The following KAZN variants were observed in gnomAD, a reference collection of about 807,000 sequenced individuals.
The protein encoded by KAZN is kazrin.
Under a neutral mutation model 87.4 loss-of-function variants are expected in KAZN, and 40 were observed. That is an observed-to-expected ratio of 0.46 (90% CI 0.36 to 0.60). KAZN has a LOEUF of 0.60. KAZN is among the 20% of genes least tolerant of loss of function. The pLI is 0.00. For missense variants in KAZN, 898 were observed against 1,073.9 expected (o/e 0.84, Z 2.29); for synonymous variants, 466 against 458.3 (o/e 1.02, Z -0.22).
At chr1:14,924,149 G>T (rs1459796225) in intron 1 of KAZN, 3 of 982,352 alleles carry the variant, frequency 3.1e-6, no homozygotes, top group Non-Finnish European at 3.6e-6. Flanking sequence ...CACGTGAGAG[G>T]CTCCGCGGCC....
chr1:14,944,527 G>A (rs979107376), intron 1 of KAZN, among the ~76,000 whole-genome samples: 2 of 152,212 alleles, frequency 1.3e-5, no homozygotes, highest in East Asian at 3.9e-4. Context: ...AGGGGGACAC[G>A]AATGAACTGC....
intron 1 of KAZN, chr1:14,124,113 G>A (rs939487892): frequency 1.3e-5 from 2 of 152,148 alleles, no homozygotes; most frequent in African/African-American, 2.4e-5. Flanking sequence ...ATCACCTTAC[G>A]TGAATATTTT....
intron 1 of KAZN, among the ~76,000 whole-genome samples, chr1:14,016,328 CACTTTTATGGGTACAGG>C (rs1570533931): frequency 6.6e-6 from 1 of 152,186 alleles, no homozygotes; most frequent in Non-Finnish European, 1.5e-5. Context: ...ATCTAATACT[CACTTTTATGGGTACAGG>C]ACTCTATGGC....
chr1:14,293,058 G>A (rs1479473263), intron 2 of KAZN, among the ~76,000 whole-genome samples: 1 of 152,168 alleles, frequency 6.6e-6, no homozygotes, highest in African/African-American at 2.4e-5. Flanking sequence ...GCCAGGCCCT[G>A]TGCAAACTGG....
At chr1:14,570,704 T>G (rs574496154) in intron 2 of KAZN, among the ~76,000 whole-genome samples, 8 of 152,302 alleles carry the variant, frequency 5.3e-5, no homozygotes, top group African/African-American at 1.7e-4. Flanking sequence ...CATCGACGAG[T>G]GTTTGTGTGG....
At chr1:14,991,938 A>T (rs1667401788) in intron 2 of KAZN, among the ~76,000 whole-genome samples, 1 of 152,202 alleles carries the variant, frequency 6.6e-6, no homozygotes, top group Non-Finnish European at 1.5e-5. Flanking sequence ...TTGCCTGGAT[A>T]TCCCTCGGTG....
intron 2 of KAZN, among the ~76,000 whole-genome samples, chr1:14,518,982 G>T (rs985415241): frequency 4.6e-5 from 7 of 152,244 alleles, no homozygotes; most frequent in Admixed American, 4.6e-4. Flanking sequence ...GTTGCTCTAG[G>T]GACCCTGAAT....
chr1:14,444,743 A>T (rs1015880230), intron 2 of KAZN, among the ~76,000 whole-genome samples: 1 of 152,120 alleles, frequency 6.6e-6, no homozygotes, highest in Non-Finnish European at 1.5e-5. Flanking sequence ...GGACCTCGAA[A>T]TTTAAATTTG....
chr1:14,554,254 C>T (rs899980819), intron 2 of KAZN, among the ~76,000 whole-genome samples: 19 of 146,596 alleles, frequency 1.3e-4, no homozygotes, highest in Admixed American at 2.6e-4. Flanking sequence ...CAGCTAGTAC[C>T]GTCTCCACCT....
intron 1 of KAZN, among the ~76,000 whole-genome samples, chr1:14,606,674 A>T (rs1006097270): frequency 1.5e-4 from 23 of 152,214 alleles, no homozygotes; most frequent in African/African-American, 5.5e-4. Flanking sequence ...CATGCCCAAC[A>T]GAGGACTTAT....
At chr1:14,824,865 A>T (rs1419566386) in intron 1 of KAZN, among the ~76,000 whole-genome samples, 1 of 152,190 alleles carries the variant, frequency 6.6e-6, no homozygotes, top group Non-Finnish European at 1.5e-5. Flanking sequence ...TCTATGAACC[A>T]TGAGATATTT....
At chr1:14,453,470 A>C (rs1411403079) in intron 2 of KAZN, among the ~76,000 whole-genome samples, 1 of 152,214 alleles carries the variant, frequency 6.6e-6, no homozygotes, top group Non-Finnish European at 1.5e-5. Context: ...TTTAGTCTAA[A>C]AAAAGTACTA....
intron 1 of KAZN, among the ~76,000 whole-genome samples, chr1:14,890,646 G>T (rs1654604470): frequency 6.6e-6 from 1 of 152,106 alleles, no homozygotes; most frequent in Non-Finnish European, 1.5e-5. Context: ...AGACTTCCGG[G>T]CCCCACGGCG....
chr1:14,375,583 A>ACT (rs1455116353), intron 2 of KAZN, among the ~76,000 whole-genome samples: 2 of 152,178 alleles, frequency 1.3e-5, no homozygotes, highest in Non-Finnish European at 2.9e-5. Context: ...GTGTAAGGTC[A>ACT]CTGCATGAAA....
intron 2 of KAZN, among the ~76,000 whole-genome samples, chr1:14,409,611 A>G (rs928133437): frequency 2.6e-5 from 4 of 152,212 alleles, no homozygotes; most frequent in Non-Finnish European, 5.9e-5. Flanking sequence ...ATAAGAAGCC[A>G]ACACAAAACG....
At chr1:14,372,718 G>A (rs774388649) in intron 2 of KAZN, among the ~76,000 whole-genome samples, 5 of 152,132 alleles carry the variant, frequency 3.3e-5, no homozygotes, top group African/African-American at 9.7e-5. Flanking sequence ...CTCTTGAGTC[G>A]CACCCTGTGA....
At chr1:14,959,352 G>A (rs543420113) in intron 1 of KAZN, among the ~76,000 whole-genome samples, 271 of 152,352 alleles carry the variant, frequency 1.8e-3, no homozygotes, top group African/African-American at 6.2e-3. Flanking sequence ...GGAGGGCACT[G>A]CAGAGACAAA....
intron 1 of KAZN, among the ~76,000 whole-genome samples, chr1:14,904,309 G>GCAAA (rs372451846): frequency 7.3e-6 from 1 of 137,878 alleles, no homozygotes; most frequent in South Asian, 2.2e-4. Flanking sequence ...CGTCTCAAAA[G>GCAAA]AAAAAAAAAA....
chr1:14,665,193 C>T (rs1408226106), intron 1 of KAZN, among the ~76,000 whole-genome samples: 7 of 152,140 alleles, frequency 4.6e-5, no homozygotes, highest in African/African-American at 1.2e-4. Flanking sequence ...CCAGATCCTG[C>T]GGACAATGGG....
Sources: allele counts gnomAD v4.1 joint callset (sites outside exome capture counted in the v4.1 genomes callset), GRCh38; gene constraint gnomAD v4.1.1; transcripts MANE v1.5; gene names NCBI Gene and HGNC (gene_info 2026-07-23, HGNC 2026-07-21).